Variants in ATL2 observed in about 807,000 individuals in gnomAD.
ATL2 encodes atlastin GTPase 2.
In ATL2, 31 loss-of-function variants were observed where a neutral mutation model predicts 73.9. That is an observed-to-expected ratio of 0.42 (90% CI 0.32 to 0.57). ATL2 has a LOEUF of 0.57. Among genes scored for constraint, ATL2 ranks in the 20% least tolerant of loss-of-function variants. The pLI is 0.14. For synonymous variants in ATL2, 291 were observed against 237.5 expected (o/e 1.23, Z -2.07); for missense variants, 738 against 702.6 (o/e 1.05, Z -0.57).
At chr2:38,377,382 G>A (rs899340704), upstream of ATL2, 2 of 725,228 alleles carry the variant, frequency 2.8e-6, no homozygotes, top group African/African-American at 4.2e-5. Context: ...GTATCTCCTC[G>A]CCCTCCGCCT....
chr2:38,337,820 T>C (rs957351438), intron 2 of ATL2, among the ~76,000 whole-genome samples: 1 of 152,054 alleles, frequency 6.6e-6, no homozygotes, highest in African/African-American at 2.4e-5. Flanking sequence ...CATAATAAAG[T>C]TTTACAAAGA....
rs139176938 is a variant in ATL2, at chr2:38,347,259, C to T, written c.119-3747G>A. ...GCAGAGGGCCTTATAAAGCACATGTCATCTTACAACACACTCCTATTCATT... is the reference window on the plus strand; with the variant it reads ...GCAGAGGGCCTTATAAAGCACATGTTATCTTACAACACACTCCTATTCATT... On this transcript the variant is annotated intron_variant, in intron 1 of 12. Coordinates refer to ENST00000378954, the MANE Select transcript of ATL2 (RefSeq NM_001135673.4). Among the ~76,000 whole-genome samples, 221 of 152,314 alleles carry T rather than the reference C, an allele frequency of 1.5e-3. 1 individual carries two copies. Among genetic ancestry groups the T allele is most frequent in the African/African-American group, 4.9e-3 (205 of 41,558 alleles).
chr2:38,325,700 ACACAC>A (rs1668599840), intron 2 of ATL2, among the ~76,000 whole-genome samples: 3 of 2,642 alleles, frequency 1.1e-3, no homozygotes, highest in Non-Finnish European at 7.8e-4. Context: ...ACACACCAGT[ACACAC>A]ACACACACAC....
chr2:38,300,910 TA>T lies in ATL2; in HGVS notation c.1072-583del, dbSNP rs561741966. 3.0e-4 allele frequency among the ~76,000 whole-genome samples: 46 copies of T among 151,020 alleles called. 1 individual carries two copies. The highest frequency in any genetic ancestry group is 1.2e-3 in the South Asian group (6 of 4,802). On this transcript the variant is annotated intron_variant, in intron 9 of 12. Coordinates refer to ENST00000378954, the MANE Select transcript of ATL2 (RefSeq NM_001135673.4). ...AAAAAAAAAAAACTAATTTGTGGTT[TA>T]AGAGTAAGAAGGAAAAGATAAGAGT...
At chr2:38,323,426 G>A (rs1668435194) in intron 2 of ATL2, among the ~76,000 whole-genome samples, 1 of 133,050 alleles carries the variant, frequency 7.5e-6, no homozygotes, top group Non-Finnish European at 1.5e-5. Flanking sequence ...GAACTCTTGA[G>A]CTCAAGCAAT....
At chr2:38,325,517 CA>C (rs761882042) in intron 2 of ATL2, among the ~76,000 whole-genome samples, 21 of 152,074 alleles carry the variant, frequency 1.4e-4, no homozygotes, top group Non-Finnish European at 2.6e-4. Context: ...ACAAAATTCT[CA>C]AAGTAATTAC....
At chr2:38,360,831 T>A (rs921045054) in intron 1 of ATL2, among the ~76,000 whole-genome samples, 1 of 152,112 alleles carries the variant, frequency 6.6e-6, no homozygotes, top group Non-Finnish European at 1.5e-5. Flanking sequence ...ACTTTAATAT[T>A]TTTTAGGTAA....
At chr2:38,313,920 A>ATC (rs1667889254) in intron 6 of ATL2, among the ~76,000 whole-genome samples, 1 of 152,242 alleles carries the variant, frequency 6.6e-6, no homozygotes, top group Non-Finnish European at 1.5e-5. Flanking sequence ...ATATAGGCCA[A>ATC]ATAGGGTATA....
intron 1 of ATL2, chr2:38,354,307 G>C (rs137891074): frequency 3.9e-6 from 1 of 257,686 alleles, no homozygotes; most frequent in African/African-American, 2.4e-5. Context: ...CTATTGATCT[G>C]AATCCAAAAT....
intron 10 of ATL2, among the ~76,000 whole-genome samples, chr2:38,300,046 G>A: frequency 6.6e-6 from 1 of 152,136 alleles, no homozygotes; most frequent in East Asian, 1.9e-4. Flanking sequence ...AGGTACTGAG[G>A]ACTCTTATTT....
At chr2:38,296,392 A>C (rs1573412462) in intron 12 of ATL2, 2 of 1,528,044 alleles carry the variant, frequency 1.3e-6, no homozygotes, top group Non-Finnish European at 1.8e-6. Flanking sequence ...TGTATACAGC[A>C]TTTATGCAGA....
intron 2 of ATL2, among the ~76,000 whole-genome samples, chr2:38,341,769 G>A (rs915254040): frequency 6.6e-6 from 1 of 152,180 alleles, no homozygotes; most frequent in African/African-American, 2.4e-5. Flanking sequence ...GAGAAAGCCT[G>A]AAATGATCGC....
chr2:38,316,380 T>A (rs923049067), intron 4 of ATL2, among the ~76,000 whole-genome samples: 1 of 152,204 alleles, frequency 6.6e-6, no homozygotes, highest in Non-Finnish European at 1.5e-5. Flanking sequence ...CCTTTCATTG[T>A]CAGGGCCAGG....
chr2:38,319,312 A>T (rs1340887428), intron 2 of ATL2, among the ~76,000 whole-genome samples: 1 of 152,188 alleles, frequency 6.6e-6, no homozygotes, highest in Non-Finnish European at 1.5e-5. Context: ...TCTGAAAGAT[A>T]TCCTGGCTGG....
At chr2:38,343,243 G>T in intron 2 of ATL2, 25 bp downstream of exon 2, 1 of 1,519,268 alleles carries the variant, frequency 6.6e-7, no homozygotes, top group Non-Finnish European at 8.8e-7. Flanking sequence ...CTTTTTAATT[G>T]GGTTCAATTT....
intron 2 of ATL2, among the ~76,000 whole-genome samples, chr2:38,342,718 A>G (rs1006200104): frequency 6.6e-6 from 1 of 152,224 alleles, no homozygotes; most frequent in African/African-American, 2.4e-5. Context: ...AAAGGGAAAG[A>G]AGATAAACAG....
intron 2 of ATL2, among the ~76,000 whole-genome samples, chr2:38,321,837 T>G (rs1346823999): frequency 3.3e-5 from 5 of 152,114 alleles, no homozygotes; most frequent in African/African-American, 7.2e-5. Context: ...CTCAGCCTCC[T>G]AAGTAGCTGG....
At chr2:38,339,308 T>C (rs1043080776) in intron 2 of ATL2, among the ~76,000 whole-genome samples, 3 of 152,102 alleles carry the variant, frequency 2.0e-5, no homozygotes, top group Non-Finnish European at 4.4e-5. Context: ...CTAGGAATCG[T>C]ATTCTGTATT....
intron 2 of ATL2, among the ~76,000 whole-genome samples, chr2:38,324,588 C>T (rs962989334): frequency 1.1e-4 from 17 of 152,204 alleles, no homozygotes; most frequent in African/African-American, 4.1e-4. Context: ...CCCATTCCCA[C>T]CCCATGCCCA....
Sources: allele counts gnomAD v4.1 joint callset (sites outside exome capture counted in the v4.1 genomes callset), GRCh38; gene constraint gnomAD v4.1.1; transcripts MANE v1.5; gene names NCBI Gene and HGNC (gene_info 2026-07-23, HGNC 2026-07-21).